EIF5B: variants seen among roughly 807,000 people sequenced by gnomAD.
EIF5B encodes the protein eIF-5B.
In EIF5B, 47 loss-of-function variants were observed where a neutral mutation model predicts 147.5. The ratio of observed to expected loss-of-function variants is 0.32; its 90% CI spans 0.25 to 0.41. EIF5B has a LOEUF of 0.41. Ranked by LOEUF, EIF5B falls within the 10% of genes least tolerant of loss-of-function variation. The pLI is 1.00. For synonymous variants in EIF5B, 455 were observed against 456.2 expected, an observed-to-expected ratio of 1.00 and a Z score of 0.03; for missense variants, 1,064 against 1,413.2, an observed-to-expected ratio of 0.75 and a Z score of 3.96.
intron 14 of EIF5B, among the ~76,000 whole-genome samples, chr2:99,386,527 G>A (rs970061225): frequency 6.7e-6 from 1 of 149,532 alleles, no homozygotes; most frequent in Non-Finnish European, 1.5e-5. Context: ...CTTGCTGTGT[G>A]TGTGTGTGTT....
At position 99,361,209 on chromosome 2, in the gene EIF5B, G is replaced by A. The variant is rs1268744673; in HGVS notation, c.308G>A (p.Gly103Asp). ...SKDKKKKGQK[G>D]KKQSFDDNDS... Reference sequence around the variant, plus strand: ...GATAAAAAAAAGAAAGGACAGAAGGGCAAAAAACAGAGTTTTGATGATAAT... The same window carrying A: ...GATAAAAAAAAGAAAGGACAGAAGGACAAAAAACAGAGTTTTGATGATAAT... Residue 103 changes from glycine (G) to aspartate (D), a missense_variant, in exon 4 of 24, where the codon GGC (glycine) becomes GAC (aspartate). By Grantham distance (94) the Gly-to-Asp change is moderately conservative. Around this residue, in one of 4 missense-constraint regions of EIF5B, gnomAD observed 458 missense variants for 451.3 expected, o/e 1.01. Transcript: ENST00000289371. The A allele has an allele frequency of 3.8e-6, 6 of 1,597,202 alleles. No homozygotes were observed. Among genetic ancestry groups the A allele is most frequent in the Non-Finnish European group, 4.3e-6 (5 of 1,175,146 alleles).
At chr2:99,354,321 C>T (rs1029857893) in intron 1 of EIF5B, among the ~76,000 whole-genome samples, 1 of 152,134 alleles carries the variant, frequency 6.6e-6, no homozygotes, top group African/African-American at 2.4e-5. Context: ...ATTTATTTGC[C>T]ATGTGTATAT....
At chr2:99,363,891 A>T in intron 5 of EIF5B, 29 bp downstream of exon 5, 1 of 1,579,494 alleles carries the variant, frequency 6.3e-7, no homozygotes, top group Non-Finnish European at 8.6e-7. Flanking sequence ...GGTAACATTG[A>T]TATTGTGTTT....
chr2:99,365,595 G>A lies in EIF5B; in HGVS notation c.1288+1174G>A, dbSNP rs148714432. Among the ~76,000 whole-genome samples the A allele has an allele frequency of 3.8e-4, 58 of 152,304 alleles. No homozygotes were observed. The East Asian group carries it at 0.01, about 27-fold the overall frequency. ...AAATTCAGATGGGACCAAGCAGGGA[G>A]TAATTTGCCAGTCTCAAAAATGCTG... On this transcript the variant is annotated intron_variant, in intron 6 of 23. Coordinates refer to ENST00000289371, the MANE Select transcript of EIF5B (RefSeq NM_015904.4).
intron 1 of EIF5B, among the ~76,000 whole-genome samples, chr2:99,358,010 G>A (rs2309618): frequency 0.22 from 33,821 of 151,908 alleles, 4,242 homozygotes; most frequent in Admixed American, 0.31. Context: ...CTTCCTAACT[G>A]GTCTCCTTGC....
chr2:99,350,620 A>G (rs978363652), intron 1 of EIF5B, among the ~76,000 whole-genome samples: 5 of 151,698 alleles, frequency 3.3e-5, no homozygotes, highest in African/African-American at 9.7e-5. Flanking sequence ...CTTTTTTGCT[A>G]TTGTTGTTTT....
At chr2:99,375,942 T>TA (rs1028553958) in intron 9 of EIF5B, among the ~76,000 whole-genome samples, 5 of 151,990 alleles carry the variant, frequency 3.3e-5, no homozygotes, top group South Asian at 4.2e-4. Context: ...TATTCCAAAT[T>TA]AAAAAAAATA....
chr2:99,395,918 T>C (rs1014179088), intron 21 of EIF5B, among the ~76,000 whole-genome samples: 1 of 152,078 alleles, frequency 6.6e-6, no homozygotes, highest in African/African-American at 2.4e-5. Flanking sequence ...ATGGGAGGGA[T>C]TGAGCTTCTC....
chr2:99,357,393 T>C (rs1444427245), intron 1 of EIF5B, among the ~76,000 whole-genome samples: 1 of 152,218 alleles, frequency 6.6e-6, no homozygotes, highest in Non-Finnish European at 1.5e-5. Context: ...CTTTAAAAAA[T>C]TACCATCTTT....
intron 13 of EIF5B, among the ~76,000 whole-genome samples, chr2:99,382,577 T>A (rs1355022255): frequency 1.3e-5 from 2 of 152,196 alleles, no homozygotes; most frequent in African/African-American, 4.8e-5. Context: ...AAATATTAGT[T>A]GGTTCTAAAA....
intron 10 of EIF5B, among the ~76,000 whole-genome samples, chr2:99,377,349 G>T (rs1674586539): frequency 6.6e-6 from 1 of 151,784 alleles, no homozygotes; most frequent in Non-Finnish European, 1.5e-5. Context: ...GGACTAAGAG[G>T]ATTTGTTATT....
chr2:99,342,614 T>C (rs1408015535), intron 1 of EIF5B, among the ~76,000 whole-genome samples: 1 of 124,948 alleles, frequency 8.0e-6, no homozygotes, highest in Non-Finnish European at 1.7e-5. Context: ...TAAAATTTTG[T>C]CTTTTTTGTC....
chr2:99,358,367 C>T (rs1311675299), intron 1 of EIF5B, among the ~76,000 whole-genome samples: 1 of 152,076 alleles, frequency 6.6e-6, no homozygotes. Context: ...GCATCCAGGC[C>T]TAAAATACAA....
chr2:99,339,999 A>T (rs1166184941), intron 1 of EIF5B, among the ~76,000 whole-genome samples: 1 of 152,022 alleles, frequency 6.6e-6, no homozygotes, highest in African/African-American at 2.4e-5. Flanking sequence ...TAAAACATTT[A>T]TTTTCTCATA....
chr2:99,379,286 A>C, intron 11 of EIF5B, 32 bp from the exon 12 acceptor site: 1 of 1,565,066 alleles, frequency 6.4e-7, no homozygotes, highest in Non-Finnish European at 8.7e-7. Flanking sequence ...TCCATGTTCA[A>C]ATACCAATCT....
chr2:99,385,149 C>T (rs772754567), intron 14 of EIF5B, among the ~76,000 whole-genome samples: 3 of 152,108 alleles, frequency 2.0e-5, no homozygotes, highest in East Asian at 3.9e-4. Flanking sequence ...CGGGTTCAAG[C>T]GATTCTCCTG....
At chr2:99,381,165 C>T (rs1574935676) in intron 12 of EIF5B, among the ~76,000 whole-genome samples, 1 of 151,986 alleles carries the variant, frequency 6.6e-6, no homozygotes, top group East Asian at 1.9e-4. Flanking sequence ...TTATTTTCAT[C>T]CTATTTTAAA....
chr2:99,352,545 A>C (rs1673993134), intron 1 of EIF5B, among the ~76,000 whole-genome samples: 1 of 139,888 alleles, frequency 7.1e-6, no homozygotes, highest in Non-Finnish European at 1.5e-5. Flanking sequence ...TTTTTTTGAC[A>C]GAGTTTTGCT....
intron 11 of EIF5B, 24 bp downstream of exon 11, chr2:99,379,150 A>C: frequency 4.5e-6 from 7 of 1,559,574 alleles, no homozygotes; most frequent in Non-Finnish European, 6.1e-6. Context: ...AAATGTATTG[A>C]TAGAACTTTG....
Sources: allele counts gnomAD v4.1 joint callset (sites outside exome capture counted in the v4.1 genomes callset), GRCh38; gene constraint gnomAD v4.1.1; regional missense constraint gnomAD v4.1.1; transcripts MANE v1.5; gene names NCBI Gene and HGNC (gene_info 2026-07-23, HGNC 2026-07-21).